Variants in EFTUD2 observed in about 807,000 individuals in gnomAD.
EFTUD2 encodes the protein elongation factor Tu GTP binding domain containing 2.
Under a neutral mutation model 114.3 loss-of-function variants are expected in EFTUD2, and 9 were observed. That is an observed-to-expected ratio of 0.08 (90% CI 0.05 to 0.14). The LOEUF is 0.14. EFTUD2 is among the 10% of genes least tolerant of loss of function. The probability of loss-of-function intolerance (pLI) is 1.00; values close to 1 mark genes in which losing one functional copy is unlikely to be tolerated. For missense variants in EFTUD2, 765 were observed against 1,241.2 expected (o/e 0.62, Z 5.76); for synonymous variants, 449 against 462.3 (o/e 0.97, Z 0.37).
At chr17:44,860,590 C>A (rs770006160) in intron 16 of EFTUD2, 47 bp from the exon 17 acceptor site, 3 of 1,138,992 alleles carry the variant, frequency 2.6e-6, no homozygotes, top group South Asian at 1.4e-5. Context: ...GCAGAGCATT[C>A]CCTAATTTTT....
chr17:44,892,089 G>T (rs2051290527), intron 2 of EFTUD2: 1 of 152,174 alleles, frequency 6.6e-6, no homozygotes, highest in Admixed American at 6.5e-5. Flanking sequence ...CCAAATTCAT[G>T]TATGTTGGGA....
intron 15 of EFTUD2, chr17:44,863,123 G>A (rs1312082932): frequency 4.7e-6 from 2 of 421,904 alleles, no homozygotes; most frequent in African/African-American, 4.1e-5. Context: ...TTTTTTTTTG[G>A]GAGGATAAGG....
chr17:44,877,839 C>A (rs1054437137), intron 9 of EFTUD2, among the ~76,000 whole-genome samples: 2 of 145,382 alleles, frequency 1.4e-5, no homozygotes, highest in African/African-American at 5.1e-5. Flanking sequence ...ACAACAACAA[C>A]AAACAACAAT....
At chr17:44,898,903 C>T (rs1054824188) in intron 1 of EFTUD2, 14 of 152,318 alleles carry the variant, frequency 9.2e-5, no homozygotes, top group Admixed American at 3.3e-4. Context: ...TAATGAATGA[C>T]TCTAACAAGG....
At position 44,862,843 on chromosome 17, in the gene EFTUD2, A is replaced by G; in HGVS notation, c.1477T>C (p.Phe493Leu). ...STDDGVQFHA[F>L]GRVLSGTIHA... is the part of the protein sequence containing the mutation. ...ATGGTGCCACTCAGCACCCGGCCAA[A>G]GGCGTGAAACTGGACTCCATCATCT... The change falls in exon 16 of 28, where the codon TTT becomes CTT. Residue 493 changes from phenylalanine to leucine, a missense_variant. Physicochemically the swap from Phe to Leu is conservative, Grantham distance 22. This residue lies in a region of EFTUD2 where 149 missense variants were observed against 245.1 expected (regional missense o/e 0.61). Transcript: ENST00000426333. 3 of 1,614,182 alleles carry G rather than the reference A, an allele frequency of 1.9e-6. No individual in the cohort carries two copies. Among genetic ancestry groups the G allele is most frequent in the Non-Finnish European group, 2.5e-6 (3 of 1,180,034 alleles).
In EFTUD2 at chr17:44,876,027, T is replaced by C; in HGVS notation, c.776A>G (p.Lys259Arg). Residue 259 changes from lysine to arginine, a missense_variant, in exon 10 of 28, where the codon AAG (lysine) becomes AGG (arginine). Transcript: ENST00000426333. ...ERLAVTVCIN[K>R]IDRLILELKL... ...CAGCTCCAGGATCAGCCGGTCAATCTTGTTGATGCACACAGTGACTGCCAG... is the reference window on the plus strand; with the variant it reads ...CAGCTCCAGGATCAGCCGGTCAATCCTGTTGATGCACACAGTGACTGCCAG... 2 of 1,614,080 alleles carry C rather than the reference T, an allele frequency of 1.2e-6. No individual in the cohort carries two copies. Among genetic ancestry groups the C allele is most frequent in the Non-Finnish European group, 8.5e-7 (1 of 1,179,986 alleles).
At chr17:44,897,119 G>A (rs1239940255) in intron 1 of EFTUD2, among the ~76,000 whole-genome samples, 1 of 151,554 alleles carries the variant, frequency 6.6e-6, no homozygotes, top group African/African-American at 2.4e-5. Context: ...GGGAGGCTGA[G>A]GCAGGAGAAT....
intron 4 of EFTUD2, among the ~76,000 whole-genome samples, chr17:44,884,786 C>CTT (rs1164697543): frequency 2.0e-5 from 3 of 152,018 alleles, no homozygotes. Context: ...GCTCAGGAGG[C>CTT]TGAGGCAGAC....
In EFTUD2 at chr17:44,853,302, C is replaced by T. The variant is rs776160266; in HGVS notation, c.2555G>A (p.Arg852Lys). 4.1e-5 allele frequency: 66 copies of T among 1,613,730 alleles called. No individual in the cohort carries two copies. Among genetic ancestry groups the T allele is most frequent in the Non-Finnish European group, 1.5e-5 (18 of 1,179,834 alleles). Reference protein sequence around the residue: ...CVSAVYTVLARRRGHVTQDAP... With the variant: ...CVSAVYTVLAKRRGHVTQDAP... ...TACGCCTGGGGCCGCTCACCTGCGC[C>T]TGGCCAGGACGGTATAAACTGCAGA... The change falls in exon 25 of 28, where the codon AGG becomes AAG. Residue 852 changes from arginine to lysine, a missense_variant. Physicochemically the swap from Arg to Lys is conservative, Grantham distance 26 (BLOSUM62 2). Around this residue, in one of 6 missense-constraint regions of EFTUD2, gnomAD observed 166 missense variants for 401.5 expected, o/e 0.41. Transcript: ENST00000426333.
At position 44,854,426 on chromosome 17, in the gene EFTUD2, A is replaced by T; in HGVS notation, c.2260-70T>A. ...GCTGAAGCATTTAGAGGGAGAAGAC[A>T]GATGTGCCTGTAAGGGGATACTGTC... is the stretch of plus-strand genomic sequence containing the variant. On this transcript the variant is annotated intron_variant, in intron 22 of 27. Transcript: ENST00000426333. This position sits in a 1 kb window ranked among gnomAD's most constrained non-coding sequence, Gnocchi z 4.3. 6.3e-7 allele frequency: 1 copy of T among 1,584,472 alleles called. No homozygotes were observed. Among genetic ancestry groups the T allele is most frequent in the Non-Finnish European group, 8.6e-7 (1 of 1,160,668 alleles).
rs1190209584 is a variant in EFTUD2 at position 44,880,384 on chromosome 17, TA to T, written c.619+169del. 7.4e-6 allele frequency: 4 copies of T among 537,334 alleles called. No homozygotes were observed. In the East Asian group the frequency reaches 9.6e-5, roughly 13 times the overall value. The allele number at this position is 537,334 out of a possible 1,614,324, so 33.3% of individuals were successfully genotyped here. A position where few individuals can be genotyped will look rare whatever the true frequency, so the allele number is the denominator to read the frequency against. ...AGAAGGCCTGGAGTATGATGCTTGC[TA>T]AATTAACAAGTCAGAAACAAAGGAG... On this transcript the variant is annotated intron_variant, in intron 8 of 27. Transcript: ENST00000426333.
At chr17:44,875,267 A>ACGCCTGTAATCC (rs1185770349) in intron 10 of EFTUD2, among the ~76,000 whole-genome samples, 1 of 152,154 alleles carries the variant, frequency 6.6e-6, no homozygotes, top group East Asian at 1.9e-4. Context: ...GTGGTGGTTC[A>ACGCCTGTAATCC]CGCCTGTAAT....
At chr17:44,856,772 A>AC (rs1555564775) in intron 20 of EFTUD2, among the ~76,000 whole-genome samples, 2 of 151,486 alleles carry the variant, frequency 1.3e-5, no homozygotes, top group Admixed American at 1.3e-4. Context: ...AAAAAAAAAA[A>AC]CAAAAAAACA....
chr17:44,863,835 G>A, intron 14 of EFTUD2, 53 bp from the exon 15 acceptor site: 2 of 1,601,864 alleles, frequency 1.2e-6, no homozygotes, highest in East Asian at 4.5e-5. Context: ...GGGAGCACGA[G>A]CAGGAGTTAC....
chr17:44,883,220 C>T lies in EFTUD2; in HGVS notation c.427-62G>A, dbSNP rs2304988. 57,041 of 1,501,286 alleles carry T rather than the reference C, an allele frequency of 0.038. 1,243 individuals are homozygous for T. The highest frequency in any genetic ancestry group is 0.05 in the Admixed American group (2,946 of 58,968). The allele number at this position is 1,501,286 out of a possible 1,614,324, so 93.0% of individuals were successfully genotyped here. A position where few individuals can be genotyped will look rare whatever the true frequency, so the allele number is the denominator to read the frequency against. The stretch of plus-strand genomic sequence containing the variant: ...AGAGGAAAATTTACTGTGCCCTTCC[C>T]CCAGCTCCCAATACACCACATAATT... On this transcript the variant is annotated intron_variant, in intron 5 of 27. Coordinates refer to ENST00000426333, the MANE Select transcript of EFTUD2 (RefSeq NM_004247.4).
Position 44,894,409 on chromosome 17 carries a change from T to C in EFTUD2, c.105+8A>G. ...GAGTGAGATAAAAGAGCAATATATT[T>C]GTTTTACCTCATCAAGATCTTTGGT... On this transcript the variant is annotated splice_region_variant and intron_variant, in intron 2 of 27. Transcript: ENST00000426333. The C allele has an allele frequency of 6.3e-7, 1 of 1,586,714 alleles. No homozygotes were observed. The highest frequency in any genetic ancestry group is 8.7e-7 in the Non-Finnish European group (1 of 1,155,074).
intron 11 of EFTUD2, among the ~76,000 whole-genome samples, chr17:44,869,960 A>G (rs747055122): frequency 8.5e-5 from 13 of 152,250 alleles, no homozygotes; most frequent in Non-Finnish European, 1.6e-4. Flanking sequence ...TAGCGAGAGC[A>G]CATGGTATCA....
chr17:44,898,668 C>G (rs1339091181), intron 1 of EFTUD2, among the ~76,000 whole-genome samples: 2 of 152,214 alleles, frequency 1.3e-5, no homozygotes, highest in African/African-American at 4.8e-5. Context: ...CAAGTCTCCA[C>G]TAAAATGTCA....
At chr17:44,851,639 AAG>A (rs546462147) in intron 27 of EFTUD2, 69 bp downstream of exon 27, 14 of 1,414,804 alleles carry the variant, frequency 9.9e-6, no homozygotes, top group African/African-American at 5.8e-5. Flanking sequence ...GGCCAAAAGA[AAG>A]AGAGAGAGAT....
Sources: allele counts gnomAD v4.1 joint callset (sites outside exome capture counted in the v4.1 genomes callset), GRCh38; gene constraint gnomAD v4.1.1; regional missense constraint gnomAD v4.1.1; non-coding constraint Gnocchi (gnomAD v3.1); transcripts MANE v1.5; gene names NCBI Gene and HGNC (gene_info 2026-07-23, HGNC 2026-07-21).